Variants in PIEZO2 observed in about 807,000 individuals in gnomAD.
PIEZO2 encodes piezo type mechanosensitive ion channel component 2, also known as piezo-type mechanosensitive ion channel component 2.
PIEZO2 carries 172 observed loss-of-function variants against 337.3 expected under a neutral mutation model. That is an observed-to-expected ratio of 0.51 (90% CI 0.45 to 0.58). The LOEUF (loss-of-function observed/expected upper bound fraction) is 0.58, where lower values mean the gene tolerates loss of function less well. Among genes scored for constraint, PIEZO2 ranks in the 20% least tolerant of loss-of-function variants. PIEZO2 has a pLI of 0.00. For missense variants in PIEZO2, 3,028 were observed against 3,391.3 expected, an observed-to-expected ratio of 0.89 and a Z score of 2.66; for synonymous variants, 1,251 against 1,228.5, an observed-to-expected ratio of 1.02 and a Z score of -0.38.
intron 38 of PIEZO2, 122 bp downstream of exon 38, chr18:10,715,528 G>A (rs1263091758): frequency 1.0e-5 from 9 of 872,332 alleles, no homozygotes; most frequent in Non-Finnish European, 1.3e-5. Flanking sequence ...AAGCAAAGGG[G>A]TTATGCCACA....
At position 10,731,175 on chromosome 18, in the gene PIEZO2, GATTATATATATAT is replaced by G. The variant is rs1197090336; in HGVS notation, c.5029+219_5029+231del. Among the ~76,000 whole-genome samples the G allele has an allele frequency of 8.9e-3, 1,046 of 117,804 alleles. 25 individuals carry two copies. The highest frequency in any genetic ancestry group is 0.022 in the African/African-American group (724 of 33,228). 77.3% of individuals were successfully genotyped at this position (117,804 alleles called of 152,430 possible). A position where few individuals can be genotyped will look rare whatever the true frequency, so the allele number is the denominator to read the frequency against. On this transcript the variant is annotated intron_variant, in intron 36 of 55. Coordinates refer to ENST00000674853, the MANE Select transcript of PIEZO2 (RefSeq NM_001378183.1). Reference sequence around the variant, plus strand: ...AACTCTCCTTTTTTCCTACTTAAAAGATTATATATATATATATATATATATATATATATATATA... The same window carrying G: ...AACTCTCCTTTTTTCCTACTTAAAAGATATATATATATATATATATATATA...
chr18:11,082,519 G>A (rs571623152), intron 1 of PIEZO2, among the ~76,000 whole-genome samples: 9 of 152,050 alleles, frequency 5.9e-5, no homozygotes, highest in Admixed American at 3.3e-4. Context: ...GGGTTTCACC[G>A]TGTTAGCCAG....
At chr18:11,107,414 G>A (rs1248728249) in intron 1 of PIEZO2, among the ~76,000 whole-genome samples, 14 of 152,050 alleles carry the variant, frequency 9.2e-5, no homozygotes, top group Non-Finnish European at 1.6e-4. Context: ...TAAAATTTAA[G>A]TATTTGAATA....
rs1434580079 is a variant in PIEZO2 at position 10,969,760 on chromosome 18, G to A, written c.286+9775C>T. ...TGTAGGAGAGGAGTGAGGGGACAGA[G>A]CTCCTGGCCAAGAGAGGGCATGGGT... On this transcript the variant is annotated intron_variant, in intron 3 of 55. Transcript: ENST00000674853. The surrounding 1 kb of genome is among the most constrained non-coding windows in gnomAD (Gnocchi z 4.5). 2.6e-5 allele frequency among the ~76,000 whole-genome samples: 4 copies of A among 151,982 alleles called. No individual in the cohort carries two copies. Among genetic ancestry groups the A allele is most frequent in the Admixed American group, 6.5e-5 (1 of 15,270 alleles).
chr18:10,721,108 T>C (rs1855397256), intron 36 of PIEZO2, among the ~76,000 whole-genome samples: 2 of 152,208 alleles, frequency 1.3e-5, no homozygotes, highest in South Asian at 4.1e-4. Flanking sequence ...CCAGTTACAA[T>C]GAAAGGCTTT....
chr18:10,840,709 T>C (rs962020353), intron 7 of PIEZO2, among the ~76,000 whole-genome samples: 2 of 152,184 alleles, frequency 1.3e-5, no homozygotes, highest in Admixed American at 1.3e-4. Context: ...TAAGTCACTT[T>C]AACAGGCATT....
chr18:10,859,624 T>A lies in PIEZO2; in HGVS notation c.493-2413A>T, dbSNP rs374176831. On this transcript the variant is annotated intron_variant, in intron 5 of 55. Coordinates refer to ENST00000674853, the MANE Select transcript of PIEZO2 (RefSeq NM_001378183.1). The surrounding 1 kb of genome is among the most constrained non-coding windows in gnomAD (Gnocchi z 4.9). The stretch of plus-strand genomic sequence containing the variant: ...TGCTGTCTCACCTTAAAGAAACACA[T>A]CCTTTCAACCCACGTTTGTCTCTTA... Among the ~76,000 whole-genome samples the A allele has an allele frequency of 3.9e-5, 6 of 152,278 alleles. No individual in the cohort carries two copies. In the East Asian group the frequency reaches 7.7e-4, roughly 20 times the overall value.
chr18:10,785,186 T>C (rs1258874955), intron 16 of PIEZO2, among the ~76,000 whole-genome samples: 1 of 152,202 alleles, frequency 6.6e-6, no homozygotes, highest in East Asian at 1.9e-4. Flanking sequence ...GACTATTTCT[T>C]CAGCTTTATT....
At chr18:10,851,088 G>A (rs1390262721) in intron 7 of PIEZO2, among the ~76,000 whole-genome samples, 1 of 150,808 alleles carries the variant, frequency 6.6e-6, no homozygotes, top group Admixed American at 6.6e-5. Context: ...CACCCATGGT[G>A]ATTTTCTTTA....
At chr18:10,675,705 C>A (rs2033968249) in intron 53 of PIEZO2, among the ~76,000 whole-genome samples, 2 of 152,076 alleles carry the variant, frequency 1.3e-5, no homozygotes, top group South Asian at 4.1e-4. Context: ...TTGGTTGTGT[C>A]CCCACCCAAA....
chr18:10,818,214 T>C (rs1325597938), intron 7 of PIEZO2, among the ~76,000 whole-genome samples: 3 of 152,168 alleles, frequency 2.0e-5, no homozygotes, highest in Non-Finnish European at 4.4e-5. Context: ...TTAGATTAGA[T>C]ATAAGAAATT....
In PIEZO2 at chr18:10,769,971, C is replaced by A. The variant is rs139576840; in HGVS notation, c.2946+177G>T. 1.5e-5 allele frequency: 9 copies of A among 606,608 alleles called. No individual in the cohort carries two copies. In the African/African-American group the frequency reaches 1.7e-4, roughly 11 times the overall value. The allele number at this position is 606,608 out of a possible 1,614,324, so 37.6% of individuals were successfully genotyped here. On this transcript the variant is annotated intron_variant, in intron 21 of 55. Coordinates refer to ENST00000674853, the MANE Select transcript of PIEZO2 (RefSeq NM_001378183.1). ...GAGAAACTCAGCCACGAGCCTCTTT[C>A]CTTTTTCTCAGTGCTGCTGACCCTC...
intron 36 of PIEZO2, among the ~76,000 whole-genome samples, chr18:10,720,415 G>GTATATA (rs1264134293): frequency 5.0e-5 from 2 of 39,920 alleles, no homozygotes; most frequent in African/African-American, 6.7e-5. Context: ...ATGTGTATGT[G>GTATATA]TATGTATATA....
chr18:10,953,927 G>C lies in PIEZO2; in HGVS notation c.286+25608C>G, dbSNP rs1270498426. On this transcript the variant is annotated intron_variant, in intron 3 of 55. Transcript: ENST00000674853. This position sits in a 1 kb window ranked among gnomAD's most constrained non-coding sequence, Gnocchi z 5.2. Reference sequence around the variant, plus strand: ...GCCTTGTTTTAATGATTTGCGGCTGGCAGGGAACTGAAGTCTGTCAGATTG... The same window carrying C: ...GCCTTGTTTTAATGATTTGCGGCTGCCAGGGAACTGAAGTCTGTCAGATTG... Among the ~76,000 whole-genome samples the C allele has an allele frequency of 6.6e-6, 1 of 152,186 alleles. No homozygotes were observed.
intron 20 of PIEZO2, among the ~76,000 whole-genome samples, chr18:10,772,099 A>G (rs1157376523): frequency 6.6e-6 from 1 of 152,224 alleles, no homozygotes; most frequent in Non-Finnish European, 1.5e-5. Flanking sequence ...GCTAAGATCT[A>G]AGGTAAGAAC....
At position 10,671,519 on chromosome 18, in the gene PIEZO2, C is replaced by G. The variant is rs762475742; in HGVS notation, c.*8G>C. On this transcript the variant is annotated 3_prime_UTR_variant, in exon 56 of 56. Coordinates refer to ENST00000674853, the MANE Select transcript of PIEZO2 (RefSeq NM_001378183.1). ...GTTAACATTATTTGCAGTCTGTGTTCTAAGGTTTCAATTTGTTTTTTCTCT... is the reference window on the plus strand; with the variant it reads ...GTTAACATTATTTGCAGTCTGTGTTGTAAGGTTTCAATTTGTTTTTTCTCT... 2 of 1,605,374 alleles carry G rather than the reference C, an allele frequency of 1.2e-6. No individual in the cohort carries two copies. Among genetic ancestry groups the G allele is most frequent in the Non-Finnish European group, 1.7e-6 (2 of 1,175,644 alleles).
At chr18:11,100,089 T>C (rs1311649727) in intron 1 of PIEZO2, among the ~76,000 whole-genome samples, 1 of 152,204 alleles carries the variant, frequency 6.6e-6, no homozygotes, top group African/African-American at 2.4e-5. Context: ...AATAATTATG[T>C]ATAAAATGGA....
At position 10,993,627 on chromosome 18, in the gene PIEZO2, C is replaced by T. The variant is rs910008643; in HGVS notation, c.161-13967G>A. On this transcript the variant is annotated intron_variant, in intron 2 of 55. Coordinates refer to ENST00000674853, the MANE Select transcript of PIEZO2 (RefSeq NM_001378183.1). The surrounding 1 kb of genome is among the most constrained non-coding windows in gnomAD (Gnocchi z 5.0). ...CTGCAACCTCCGCCTCCCGGGTTAA[C>T]GCCATTCTCCTGCCTCAGCCTCCTG... 2.0e-5 allele frequency among the ~76,000 whole-genome samples: 3 copies of T among 151,922 alleles called. No homozygotes were observed. Among genetic ancestry groups the T allele is most frequent in the South Asian group, 2.1e-4 (1 of 4,820 alleles).
Position 10,813,402 on chromosome 18 carries a change from C to T in PIEZO2, c.918-6128G>A, listed in dbSNP as rs2040259865. Among the ~76,000 whole-genome samples, 1 of 152,160 alleles carries T rather than the reference C, an allele frequency of 6.6e-6. No homozygotes were observed. The highest frequency in any genetic ancestry group is 1.5e-5 in the Non-Finnish European group (1 of 68,038). On this transcript the variant is annotated intron_variant, in intron 7 of 55. Transcript: ENST00000674853. The surrounding 1 kb of genome is among the most constrained non-coding windows in gnomAD (Gnocchi z 4.2). ...ATTCTGTACACATTAAATAAAAACT[C>T]CCTATTCCCTTCTCCTCCCAGGCCC...
Sources: allele counts gnomAD v4.1 joint callset (sites outside exome capture counted in the v4.1 genomes callset), GRCh38; gene constraint gnomAD v4.1.1; non-coding constraint Gnocchi (gnomAD v3.1); transcripts MANE v1.5; gene names NCBI Gene and HGNC (gene_info 2026-07-23, HGNC 2026-07-21).